ZNF532: variants seen among roughly 807,000 people sequenced by gnomAD.
The protein encoded by ZNF532 is zinc finger protein 532.
ZNF532 carries 22 observed loss-of-function variants against 89.3 expected under a neutral mutation model. The observed-to-expected ratio is 0.25, with a 90% CI of 0.18 to 0.35. The LOEUF (loss-of-function observed/expected upper bound fraction) is 0.35, where lower values mean the gene tolerates loss of function less well. Among genes scored for constraint, ZNF532 ranks in the 10% least tolerant of loss-of-function variants. The pLI, the probability that ZNF532 is intolerant of heterozygous loss-of-function variation, is 1.00. For synonymous variants in ZNF532, 606 were observed against 649.6 expected (o/e 0.93, Z 1.02); for missense variants, 1,132 against 1,643.4 (o/e 0.69, Z 5.38).
chr18:58,915,075 G>C (rs1325219653), intron 2 of ZNF532, among the ~76,000 whole-genome samples: 1 of 152,212 alleles, frequency 6.6e-6, no homozygotes, highest in Non-Finnish European at 1.5e-5. Context: ...GGAAGGGAAA[G>C]GGTAATAGGA....
intron 2 of ZNF532, among the ~76,000 whole-genome samples, chr18:58,914,505 C>T (rs1568302683): frequency 6.6e-6 from 1 of 152,168 alleles, no homozygotes; most frequent in Non-Finnish European, 1.5e-5. Flanking sequence ...CATGGTGAAA[C>T]CCCGTCTCTA....
At chr18:58,969,460 C>T (rs1047677295) in intron 7 of ZNF532, among the ~76,000 whole-genome samples, 9 of 152,182 alleles carry the variant, frequency 5.9e-5, no homozygotes, top group Non-Finnish European at 1.2e-4. Context: ...TCATCGCTGC[C>T]CGGCAGCTTG....
intron 5 of ZNF532, among the ~76,000 whole-genome samples, chr18:58,946,020 C>T (rs962954358): frequency 6.6e-6 from 1 of 152,142 alleles, no homozygotes; most frequent in East Asian, 1.9e-4. Flanking sequence ...TGAGCCACTG[C>T]GCCCGGCCAA....
intron 5 of ZNF532, among the ~76,000 whole-genome samples, chr18:58,944,687 C>T (rs1025368717): frequency 1.3e-5 from 2 of 152,130 alleles, no homozygotes; most frequent in African/African-American, 4.8e-5. Flanking sequence ...TTTGCTCCAT[C>T]CTCAGATTCT....
At chr18:58,936,615 A>T (rs2062495159) in intron 4 of ZNF532, among the ~76,000 whole-genome samples, 1 of 152,172 alleles carries the variant, frequency 6.6e-6, no homozygotes, top group African/African-American at 2.4e-5. Context: ...CAAATTGTAG[A>T]TTTCAAGTTG....
intron 5 of ZNF532, among the ~76,000 whole-genome samples, chr18:58,941,963 TCTCCCTCC>T (rs973464913): frequency 9.4e-5 from 10 of 106,660 alleles, no homozygotes; most frequent in East Asian, 6.1e-4. Flanking sequence ...TCCCTCCCTC[TCTCCCTCC>T]CTCCCTCCTT....
chr18:58,947,971 G>A, intron 5 of ZNF532, 96 bp from the exon 6 acceptor site: 3 of 1,171,376 alleles, frequency 2.6e-6, no homozygotes, highest in Admixed American at 2.4e-5. Context: ...TGTTCTCAAT[G>A]TGCCTCTGCC....
chr18:58,916,089 T>C (rs570026823), intron 2 of ZNF532, among the ~76,000 whole-genome samples: 1 of 152,256 alleles, frequency 6.6e-6, no homozygotes, highest in East Asian at 1.9e-4. Flanking sequence ...GGGGGTGGTG[T>C]CTTGAGTTTT....
At chr18:58,901,146 C>T (rs1254205283) in intron 2 of ZNF532, among the ~76,000 whole-genome samples, 2 of 152,164 alleles carry the variant, frequency 1.3e-5, no homozygotes, top group Non-Finnish European at 2.9e-5. Flanking sequence ...CTTTCTTTTC[C>T]TTCTTATGCC....
chr18:58,937,089 C>T (rs1421619503), intron 4 of ZNF532, among the ~76,000 whole-genome samples: 1 of 152,022 alleles, frequency 6.6e-6, no homozygotes, highest in African/African-American at 2.4e-5. Flanking sequence ...AATTTTCCTG[C>T]CTCTTGATAC....
chr18:58,969,489 C>T (rs899935370), intron 7 of ZNF532, among the ~76,000 whole-genome samples: 1 of 152,200 alleles, frequency 6.6e-6, no homozygotes, highest in African/African-American at 2.4e-5. Flanking sequence ...CCTGGGTACA[C>T]AGCACCTTCC....
chr18:58,954,169 T>C, intron 7 of ZNF532: 1 of 977,270 alleles, frequency 1.0e-6, no homozygotes, highest in Non-Finnish European at 1.2e-6. Flanking sequence ...AGAAAGACAG[T>C]GGAAATGTTG....
intron 9 of ZNF532, among the ~76,000 whole-genome samples, chr18:58,982,131 C>T (rs1383415515): frequency 1.3e-5 from 2 of 151,750 alleles, no homozygotes; most frequent in Admixed American, 1.3e-4. Flanking sequence ...AACCCCATCT[C>T]TACTAAAAAA....
At chr18:58,939,230 G>C (rs2062738226) in intron 4 of ZNF532, among the ~76,000 whole-genome samples, 1 of 101,030 alleles carries the variant, frequency 9.9e-6, no homozygotes, top group Non-Finnish European at 1.9e-5. Context: ...CTGGGCGACA[G>C]AGCGAGACGT....
intron 7 of ZNF532, among the ~76,000 whole-genome samples, chr18:58,959,270 GT>G (rs1460137767): frequency 7.8e-6 from 1 of 127,678 alleles, no homozygotes; most frequent in African/African-American, 3.3e-5. Context: ...GTTTTTTTTT[GT>G]TTTTTTTTGG....
chr18:58,876,352 G>A (rs1247121308), intron 2 of ZNF532, among the ~76,000 whole-genome samples: 1 of 152,126 alleles, frequency 6.6e-6, no homozygotes, highest in African/African-American at 2.4e-5. Context: ...GGCCTGTCAC[G>A]CTCTGAGTAG....
intron 7 of ZNF532, chr18:58,954,265 G>A (rs1036232733): frequency 2.8e-5 from 28 of 987,182 alleles, no homozygotes; most frequent in Non-Finnish European, 3.1e-5. Context: ...TTAACTTCCA[G>A]TAGAAGCTCT....
At chr18:58,884,436 G>T (rs1473765702) in intron 2 of ZNF532, among the ~76,000 whole-genome samples, 1 of 152,216 alleles carries the variant, frequency 6.6e-6, no homozygotes, top group Non-Finnish European at 1.5e-5. Context: ...ATTGCTGATA[G>T]TTCGGAGCAT....
chr18:58,877,801 T>A (rs1425569282), intron 2 of ZNF532, among the ~76,000 whole-genome samples: 1 of 151,570 alleles, frequency 6.6e-6, no homozygotes, highest in Non-Finnish European at 1.5e-5. Flanking sequence ...AGGGACAAGG[T>A]TGGGTGTGTC....
Sources: allele counts gnomAD v4.1 joint callset (sites outside exome capture counted in the v4.1 genomes callset), GRCh38; gene constraint gnomAD v4.1.1; transcripts MANE v1.5; gene names NCBI Gene and HGNC (gene_info 2026-07-23, HGNC 2026-07-21).